The following MECOM variants were observed in gnomAD, a reference collection of about 807,000 sequenced individuals.
The protein encoded by MECOM is histone-lysine N-methyltransferase MECOM.
MECOM carries 13 observed loss-of-function variants against 116.3 expected under a neutral mutation model. The observed-to-expected ratio is 0.11, with a 90% CI of 0.07 to 0.18. The LOEUF (loss-of-function observed/expected upper bound fraction) is 0.18. Among genes scored for constraint, MECOM ranks in the 10% least tolerant of loss-of-function variants. The probability of loss-of-function intolerance (pLI) is 1.00; values close to 1 mark genes in which losing one functional copy is unlikely to be tolerated. For missense variants in MECOM, 1,299 were observed against 1,509.0 expected (o/e 0.86, Z 2.31); for synonymous variants, 528 against 535.2 (o/e 0.99, Z 0.19).
At chr3:169,656,579 T>TC (rs1775571318) in intron 1 of MECOM, among the ~76,000 whole-genome samples, 1 of 152,050 alleles carries the variant, frequency 6.6e-6, no homozygotes, top group Admixed American at 6.5e-5. Context: ...AGCAAAACAC[T>TC]CCCCCATTTT....
chr3:169,562,832 C>T lies in MECOM; in HGVS notation c.37+100504G>A, dbSNP rs922932663. Among the ~76,000 whole-genome samples the T allele has an allele frequency of 6.6e-5, 10 of 152,142 alleles. No individual in the cohort carries two copies. In the East Asian group the frequency reaches 7.8e-4, roughly 12 times the overall value. The stretch of plus-strand genomic sequence containing the variant: ...ATCCCAGCACTTTGGGAGGCCAAGG[C>T]GGGTAGATCACCTGAGGTCAAGAGT... On this transcript the variant is annotated intron_variant, in intron 1 of 16. Coordinates refer to ENST00000651503, the MANE Select transcript of MECOM (RefSeq NM_004991.4).
At chr3:169,143,662 C>G (rs374730749) in intron 3 of MECOM, 36 bp downstream of exon 3, 79 of 1,523,220 alleles carry the variant, frequency 5.2e-5, no homozygotes, top group East Asian at 4.6e-4. Flanking sequence ...TACTTTTGTG[C>G]TCTCAAGGAA....
intron 1 of MECOM, among the ~76,000 whole-genome samples, chr3:169,527,026 A>G (rs1457336203): frequency 6.6e-6 from 1 of 152,226 alleles, no homozygotes; most frequent in Non-Finnish European, 1.5e-5. Context: ...TCAGGCTTCT[A>G]ATGTGAGCTG....
intron 1 of MECOM, among the ~76,000 whole-genome samples, chr3:169,482,483 C>T (rs183815853): frequency 0.013 from 1,913 of 152,178 alleles, 45 homozygotes; most frequent in African/African-American, 0.044. Flanking sequence ...TACAGGCGCC[C>T]GCCACCACGC....
At chr3:169,654,188 G>C (rs1236542697) in intron 1 of MECOM, among the ~76,000 whole-genome samples, 1 of 152,156 alleles carries the variant, frequency 6.6e-6, no homozygotes, top group Non-Finnish European at 1.5e-5. Flanking sequence ...TCTTTATCAG[G>C]AGAGTCCATT....
chr3:169,236,697 G>C (rs950453160), intron 2 of MECOM, among the ~76,000 whole-genome samples: 1 of 152,146 alleles, frequency 6.6e-6, no homozygotes, highest in African/African-American at 2.4e-5. Flanking sequence ...TGAATGAAAA[G>C]ACTCTTTGAC....
chr3:169,237,610 C>CAAAAAA (rs775383808), intron 2 of MECOM, among the ~76,000 whole-genome samples: 2 of 80,640 alleles, frequency 2.5e-5, no homozygotes, highest in Admixed American at 1.4e-4. Context: ...GTCTCCATCA[C>CAAAAAA]AAAAAAAAAA....
chr3:169,156,562 G>C (rs1352937601), intron 2 of MECOM, among the ~76,000 whole-genome samples: 1 of 152,162 alleles, frequency 6.6e-6, no homozygotes, highest in Non-Finnish European at 1.5e-5. Context: ...CACAAAGAAA[G>C]TAGGTTATCA....
intron 2 of MECOM, among the ~76,000 whole-genome samples, chr3:169,224,042 C>T (rs994833754): frequency 1.3e-5 from 2 of 152,282 alleles, no homozygotes; most frequent in African/African-American, 4.8e-5. Context: ...AGTTGACTAC[C>T]GTGCCCTAGG....
chr3:169,377,728 T>C (rs867900246), intron 2 of MECOM, among the ~76,000 whole-genome samples: 1 of 152,164 alleles, frequency 6.6e-6, no homozygotes. Flanking sequence ...TTGGTGGGAG[T>C]ATAAATTAGT....
chr3:169,245,552 T>G (rs1755475221), intron 2 of MECOM, among the ~76,000 whole-genome samples: 2 of 152,184 alleles, frequency 1.3e-5, no homozygotes, highest in African/African-American at 4.8e-5. Context: ...AACTAATAAT[T>G]TTTTTAAAAA....
chr3:169,114,802 G>A (rs1010569822), intron 8 of MECOM, among the ~76,000 whole-genome samples: 2 of 152,000 alleles, frequency 1.3e-5, no homozygotes, highest in Non-Finnish European at 2.9e-5. Flanking sequence ...AAAGGAAACC[G>A]GATAATGAAG....
chr3:169,412,687 A>G (rs1737756078), intron 1 of MECOM, among the ~76,000 whole-genome samples: 1 of 152,240 alleles, frequency 6.6e-6, no homozygotes, highest in East Asian at 1.9e-4. Flanking sequence ...GAAGAAAGGC[A>G]AAAAGGAAAA....
intron 1 of MECOM, among the ~76,000 whole-genome samples, chr3:169,418,057 T>A (rs1192479524): frequency 6.7e-6 from 1 of 150,070 alleles, no homozygotes; most frequent in Non-Finnish European, 1.5e-5. Flanking sequence ...TGTATACATA[T>A]GTAACTAACC....
intron 1 of MECOM, among the ~76,000 whole-genome samples, chr3:169,383,228 G>C (rs1415595329): frequency 6.6e-6 from 1 of 152,094 alleles, no homozygotes; most frequent in African/African-American, 2.4e-5. Flanking sequence ...CTTGGTTCTT[G>C]GTTCAAACAC....
intron 2 of MECOM, among the ~76,000 whole-genome samples, chr3:169,302,052 TTCCCTCTAGGTTA>T (rs1304968831): frequency 6.6e-6 from 1 of 152,214 alleles, no homozygotes; most frequent in Non-Finnish European, 1.5e-5. Flanking sequence ...CTTTAAAATG[TTCCCTCTAGGTTA>T]TCAAATATGA....
intron 1 of MECOM, among the ~76,000 whole-genome samples, chr3:169,579,335 T>C (rs1764853288): frequency 6.6e-6 from 1 of 152,152 alleles, no homozygotes; most frequent in Non-Finnish European, 1.5e-5. Context: ...GGAAGATTTA[T>C]CCATTCAACA....
At chr3:169,346,467 C>T (rs573525213) in intron 2 of MECOM, among the ~76,000 whole-genome samples, 38 of 151,988 alleles carry the variant, frequency 2.5e-4, no homozygotes, top group South Asian at 8.3e-4. Flanking sequence ...CAAATGATAA[C>T]GTATTATTCT....
intron 2 of MECOM, among the ~76,000 whole-genome samples, chr3:169,329,044 G>T (rs1057460156): frequency 1.3e-5 from 2 of 152,082 alleles, no homozygotes; most frequent in Non-Finnish European, 2.9e-5. Flanking sequence ...ATCCTCTCTG[G>T]TGATGCTACC....
Sources: gnomAD v4.1 joint callset for allele counts (sites outside exome capture counted in the v4.1 genomes callset) on GRCh38, gnomAD v4.1.1 for gene constraint, MANE v1.5 for transcripts, NCBI Gene and HGNC (gene_info 2026-07-23, HGNC 2026-07-21) for gene names.